The following MAF variants were observed in gnomAD, a reference collection of about 807,000 sequenced individuals.
MAF encodes the protein transcription factor Maf.
In MAF, 10 loss-of-function variants were observed where a neutral mutation model predicts 22.0. The ratio of observed to expected loss-of-function variants is 0.45; its 90% CI spans 0.28 to 0.77. MAF has a LOEUF of 0.77. Among genes scored for constraint, MAF ranks in the 30% least tolerant of loss-of-function variants. MAF has a pLI of 0.12. For synonymous variants in MAF, 337 were observed against 255.8 expected, an observed-to-expected ratio of 1.32 and a Z score of -3.03; for missense variants, 544 against 548.4, an observed-to-expected ratio of 0.99 and a Z score of 0.08.
the MAF span, among the ~76,000 whole-genome samples, chr16:79,520,436 C>G: frequency 6.6e-6 from 1 of 152,146 alleles, no homozygotes; most frequent in Non-Finnish European, 1.5e-5. Flanking sequence ...TGGTCCTAAC[C>G]TCATTCCCCA....
the MAF span, among the ~76,000 whole-genome samples, chr16:79,576,258 A>C: frequency 0.011 from 1,593 of 149,150 alleles, 25 homozygotes; most frequent in South Asian, 0.054. Context: ...AAAAAAAAAA[A>C]AGGACCAGTA....
At chr16:79,454,294 A>C in the MAF span, among the ~76,000 whole-genome samples, 1 of 152,188 alleles carries the variant, frequency 6.6e-6, no homozygotes, top group African/African-American at 2.4e-5. Context: ...ATGTAGAAAT[A>C]AATGGTGGGG....
chr16:79,389,649 C>A, the MAF span, among the ~76,000 whole-genome samples: 2 of 152,054 alleles, frequency 1.3e-5, no homozygotes, highest in South Asian at 4.2e-4. Context: ...ACAGGATGGC[C>A]CTTCCCATAC....
At chr16:79,314,322 C>T in the MAF span, among the ~76,000 whole-genome samples, 1 of 152,128 alleles carries the variant, frequency 6.6e-6, no homozygotes, top group African/African-American at 2.4e-5. Flanking sequence ...CAGTTCAGGC[C>T]ACTTTTCCTT....
At chr16:79,528,811 C>T in the MAF span, among the ~76,000 whole-genome samples, 3 of 152,302 alleles carry the variant, frequency 2.0e-5, no homozygotes, top group African/African-American at 7.2e-5. Context: ...TCTTTATTTA[C>T]AATCACTAAC....
chr16:79,314,090 G>A, the MAF span, among the ~76,000 whole-genome samples: 3 of 152,124 alleles, frequency 2.0e-5, no homozygotes, highest in African/African-American at 2.4e-5. Context: ...TTCCTAAAAC[G>A]GGGATGCACC....
the MAF span, among the ~76,000 whole-genome samples, chr16:79,382,316 C>T: frequency 6.6e-6 from 1 of 152,180 alleles, no homozygotes; most frequent in African/African-American, 2.4e-5. Context: ...TCTTCTCCTC[C>T]TTTGACCGAT....
chr16:79,342,458 T>C, the MAF span, among the ~76,000 whole-genome samples: 1 of 152,144 alleles, frequency 6.6e-6, no homozygotes, highest in East Asian at 1.9e-4. Flanking sequence ...CTGAGCCTTT[T>C]TTTCTTTTAT....
chr16:79,411,374 C>A, the MAF span, among the ~76,000 whole-genome samples: 28 of 152,274 alleles, frequency 1.8e-4, no homozygotes, highest in African/African-American at 6.3e-4. Context: ...GTATTATGAA[C>A]ACTTGAGTTA....
chr16:79,599,968 G>T lies in MAF; in HGVS notation c.-66C>A. On this transcript the variant is annotated 5_prime_UTR_variant, in exon 1 of 2. Transcript: ENST00000326043. Reference sequence around the variant, plus strand: ...ATGGGCTGCAGGAGAGGGGCCAGCGGGCTGTGCTGGGTGGCCAGCGGGTGA... The same window carrying T: ...ATGGGCTGCAGGAGAGGGGCCAGCGTGCTGTGCTGGGTGGCCAGCGGGTGA... The T allele has an allele frequency of 6.3e-7, 1 of 1,593,274 alleles. No individual in the cohort carries two copies. Among genetic ancestry groups the T allele is most frequent in the Admixed American group, 1.7e-5 (1 of 59,818 alleles).
At chr16:79,587,869 A>AGG (rs5818249) in intron 1 of MAF, among the ~76,000 whole-genome samples, 1,297 of 118,804 alleles carry the variant, frequency 0.011, 16 homozygotes, top group Non-Finnish European at 0.015. Context: ...TACTTTCAAA[A>AGG]GGGGGGGGGG....
the MAF span, among the ~76,000 whole-genome samples, chr16:79,547,149 G>A: frequency 6.6e-6 from 1 of 151,870 alleles, no homozygotes; most frequent in African/African-American, 2.4e-5. Flanking sequence ...GGATGGACTT[G>A]GTGACATGGA....
the MAF span, among the ~76,000 whole-genome samples, chr16:79,522,062 G>T: frequency 6.6e-6 from 1 of 152,202 alleles, no homozygotes; most frequent in Non-Finnish European, 1.5e-5. Flanking sequence ...CAAGCACACA[G>T]GCGGAGAATC....
At chr16:79,468,112 C>A in the MAF span, among the ~76,000 whole-genome samples, 4 of 152,182 alleles carry the variant, frequency 2.6e-5, no homozygotes, top group African/African-American at 9.7e-5. Context: ...AAAGAGACAG[C>A]AGCCATTGGT....
the MAF span, among the ~76,000 whole-genome samples, chr16:79,570,558 T>A: frequency 2.0e-5 from 3 of 152,206 alleles, no homozygotes; most frequent in African/African-American, 7.2e-5. Context: ...AGATATACAT[T>A]TGATACTCCT....
chr16:79,219,058 C>G, the MAF span, among the ~76,000 whole-genome samples: 1 of 152,222 alleles, frequency 6.6e-6, no homozygotes, highest in African/African-American at 2.4e-5. Flanking sequence ...AAGTGTCTTG[C>G]CTCTAAGCTG....
chr16:79,532,582 G>C, the MAF span, among the ~76,000 whole-genome samples: 9 of 152,272 alleles, frequency 5.9e-5, no homozygotes, highest in East Asian at 1.5e-3. Flanking sequence ...GATTTAACTG[G>C]TAAGAAACAA....
the MAF span, among the ~76,000 whole-genome samples, chr16:79,215,246 A>G: frequency 1.3e-5 from 2 of 152,070 alleles, no homozygotes; most frequent in Non-Finnish European, 2.9e-5. Flanking sequence ...AGGATGCACC[A>G]TCTTTTTTCC....
At chr16:79,513,680 A>T in the MAF span, among the ~76,000 whole-genome samples, 1 of 152,220 alleles carries the variant, frequency 6.6e-6, no homozygotes, top group African/African-American at 2.4e-5. Context: ...AAATGGAAAC[A>T]ATAAGCTTGT....
Sources: allele counts gnomAD v4.1 joint callset (sites outside exome capture counted in the v4.1 genomes callset), GRCh38; gene constraint gnomAD v4.1.1; transcripts MANE v1.5; gene names NCBI Gene and HGNC (gene_info 2026-07-23, HGNC 2026-07-21).